GRIK1: variants seen among roughly 807,000 people sequenced by gnomAD.
The protein encoded by GRIK1 is glutamate ionotropic receptor kainate type subunit 1.
A neutral mutation model predicts 105.7 loss-of-function variants in GRIK1; 69 were observed. That is an observed-to-expected ratio of 0.65 (90% CI 0.54 to 0.80). The LOEUF is 0.80. Ranked by LOEUF, GRIK1 falls within the 30% of genes least tolerant of loss-of-function variation. GRIK1 has a pLI of 0.00. For missense variants in GRIK1, 1,109 were observed against 1,167.3 expected, an observed-to-expected ratio of 0.95 and a Z score of 0.73; for synonymous variants, 438 against 431.3, an observed-to-expected ratio of 1.02 and a Z score of -0.19.
chr21:29,636,409 G>T (rs1411324086), intron 7 of GRIK1, among the ~76,000 whole-genome samples: 1 of 152,142 alleles, frequency 6.6e-6, no homozygotes, highest in Non-Finnish European at 1.5e-5. Context: ...AATAGAATTG[G>T]CTTTGCTGTT....
intron 1 of GRIK1, among the ~76,000 whole-genome samples, chr21:29,934,029 A>G (rs1468019889): frequency 6.6e-6 from 1 of 152,234 alleles, no homozygotes; most frequent in African/African-American, 2.4e-5. Context: ...GATAATTATC[A>G]GTGAAACAAC....
chr21:29,556,353 G>C (rs1376380743), intron 15 of GRIK1, among the ~76,000 whole-genome samples: 1 of 152,092 alleles, frequency 6.6e-6, no homozygotes, highest in African/African-American at 2.4e-5. Flanking sequence ...ATCTTGGTTG[G>C]ACACATGTTT....
intron 1 of GRIK1, among the ~76,000 whole-genome samples, chr21:29,785,561 C>CAAAAAA (rs950219193): frequency 1.7e-5 from 1 of 58,008 alleles, no homozygotes; most frequent in Non-Finnish European, 3.3e-5. Context: ...GAGACTGTCT[C>CAAAAAA]AAAAAAAAAA....
intron 6 of GRIK1, 70 bp from the exon 7 acceptor site, chr21:29,643,039 T>C (rs538972491): frequency 2.1e-6 from 3 of 1,428,224 alleles, no homozygotes; most frequent in East Asian, 2.3e-5. Context: ...GCATAATCAC[T>C]CTCCCTGCTT....
At chr21:29,899,481 C>T (rs898144005) in intron 1 of GRIK1, among the ~76,000 whole-genome samples, 1 of 151,236 alleles carries the variant, frequency 6.6e-6, no homozygotes, top group African/African-American at 2.4e-5. Context: ...TGATCAGTCT[C>T]TTGTCATAGT....
At chr21:29,550,830 G>A (rs916690801) in intron 16 of GRIK1, among the ~76,000 whole-genome samples, 56 of 152,094 alleles carry the variant, frequency 3.7e-4, no homozygotes, top group Admixed American at 1.3e-4. Context: ...TATATTAACA[G>A]GACTTTTATT....
chr21:29,811,711 C>T (rs954516456), intron 1 of GRIK1, among the ~76,000 whole-genome samples: 10 of 152,108 alleles, frequency 6.6e-5, no homozygotes, highest in African/African-American at 1.7e-4. Context: ...AAAATCCTCC[C>T]GTGACTTCCT....
intron 14 of GRIK1, among the ~76,000 whole-genome samples, chr21:29,567,153 T>G (rs2090629873): frequency 6.6e-6 from 1 of 152,208 alleles, no homozygotes; most frequent in Non-Finnish European, 1.5e-5. Context: ...TGTGACTTGT[T>G]TATATTGTTT....
intron 1 of GRIK1, among the ~76,000 whole-genome samples, chr21:29,838,803 T>A (rs1253115779): frequency 6.6e-6 from 1 of 152,180 alleles, no homozygotes; most frequent in Non-Finnish European, 1.5e-5. Flanking sequence ...TAGCATGGTT[T>A]GCCTGAAAAA....
intron 1 of GRIK1, among the ~76,000 whole-genome samples, chr21:29,827,631 G>C (rs2067498468): frequency 6.6e-6 from 1 of 151,934 alleles, no homozygotes; most frequent in Admixed American, 6.6e-5. Context: ...AGACTTTAAT[G>C]GATCTACCAA....
intron 4 of GRIK1, among the ~76,000 whole-genome samples, chr21:29,664,136 A>AT (rs1409880578): frequency 6.6e-6 from 1 of 152,198 alleles, no homozygotes; most frequent in Non-Finnish European, 1.5e-5. Flanking sequence ...GGGGAAGAAC[A>AT]AAGAGGATGC....
chr21:29,848,774 TATATA>T (rs1569157008), intron 1 of GRIK1, among the ~76,000 whole-genome samples: 10 of 103,324 alleles, frequency 9.7e-5, no homozygotes, highest in African/African-American at 1.5e-4. Context: ...TATATATATA[TATATA>T]TTTTTTTTTT....
intron 1 of GRIK1, among the ~76,000 whole-genome samples, chr21:29,862,163 T>A (rs558392559): frequency 6.6e-6 from 1 of 152,226 alleles, no homozygotes; most frequent in South Asian, 2.1e-4. Context: ...ATTGTCTTAT[T>A]TTTTTGTGGC....
intron 1 of GRIK1, among the ~76,000 whole-genome samples, chr21:29,723,933 G>A (rs434876): frequency 0.98 from 149,809 of 152,300 alleles, 73,718 homozygotes; most frequent in East Asian, 1. Flanking sequence ...AAATATTGGG[G>A]AAATCACAGC....
chr21:29,698,952 T>C (rs891491150), intron 1 of GRIK1, among the ~76,000 whole-genome samples: 2 of 152,218 alleles, frequency 1.3e-5, no homozygotes, highest in African/African-American at 4.8e-5. Context: ...TTTTTATTAA[T>C]ACACGTTCGT....
chr21:29,546,381 G>A (rs761301101), intron 16 of GRIK1, among the ~76,000 whole-genome samples: 15 of 152,186 alleles, frequency 9.9e-5, no homozygotes, highest in Non-Finnish European at 1.6e-4. Flanking sequence ...CATACAAAAT[G>A]TCTCTACAAG....
chr21:29,676,608 C>T (rs1015040883), intron 3 of GRIK1, among the ~76,000 whole-genome samples: 37 of 152,104 alleles, frequency 2.4e-4, no homozygotes, highest in African/African-American at 8.2e-4. Flanking sequence ...GATGGAGTGA[C>T]CCAACCCTGC....
chr21:29,678,091 CTG>C (rs890297791), intron 3 of GRIK1, among the ~76,000 whole-genome samples: 6 of 152,182 alleles, frequency 3.9e-5, no homozygotes, highest in African/African-American at 1.4e-4. Flanking sequence ...TTATAAACCA[CTG>C]GGACCCAAAG....
intron 1 of GRIK1, among the ~76,000 whole-genome samples, chr21:29,853,805 G>A (rs1216897633): frequency 2.0e-5 from 3 of 152,132 alleles, no homozygotes; most frequent in Non-Finnish European, 4.4e-5. Context: ...ACATACTAGT[G>A]GAAGAAGCAA....
Sources: gnomAD v4.1 joint callset for allele counts (sites outside exome capture counted in the v4.1 genomes callset) on GRCh38, gnomAD v4.1.1 for gene constraint, MANE v1.5 for transcripts, NCBI Gene and HGNC (gene_info 2026-07-23, HGNC 2026-07-21) for gene names.